The following CENPP variants were observed in gnomAD, a reference collection of about 807,000 sequenced individuals.
CENPP encodes centromere protein P.
CENPP carries 24 observed loss-of-function variants against 35.6 expected under a neutral mutation model. That is an observed-to-expected ratio of 0.67 (90% CI 0.49 to 0.95). CENPP has a LOEUF of 0.95. Ranked by LOEUF, CENPP falls within the 40% of genes least tolerant of loss-of-function variation. CENPP has a pLI of 0.00. For missense variants in CENPP, 332 were observed against 345.3 expected, an observed-to-expected ratio of 0.96 and a Z score of 0.31; for synonymous variants, 120 against 125.5, an observed-to-expected ratio of 0.96 and a Z score of 0.29.
chr9:92,366,121 A>G (rs975387648), intron 4 of CENPP, among the ~76,000 whole-genome samples: 1 of 148,528 alleles, frequency 6.7e-6, no homozygotes. Context: ...CGGAGCTGGC[A>G]GTGAGCCAAG....
chr9:92,420,599 C>G (rs1359930541), intron 5 of CENPP, among the ~76,000 whole-genome samples: 1 of 152,172 alleles, frequency 6.6e-6, no homozygotes, highest in Non-Finnish European at 1.5e-5. Context: ...TCTGAAGCCT[C>G]TAATACCTTA....
intron 5 of CENPP, among the ~76,000 whole-genome samples, chr9:92,488,679 G>C (rs1341782590): frequency 6.6e-6 from 1 of 152,120 alleles, no homozygotes; most frequent in Non-Finnish European, 1.5e-5. Context: ...GTTTGTGAAT[G>C]TAATTCCCAG....
chr9:92,518,402 A>G (rs905364953), intron 5 of CENPP, among the ~76,000 whole-genome samples: 9 of 152,258 alleles, frequency 5.9e-5, no homozygotes, highest in Non-Finnish European at 1.0e-4. Context: ...CCGCCAGCCA[A>G]TCCAGTTCCC....
At position 92,613,192 on chromosome 9, in the gene CENPP, G is replaced by C. The variant is rs373734749; in HGVS notation, c.*43G>C. Reference sequence around the variant, plus strand: ...TGGAGGATGAAGATGCTGCGTGGAGGAACATGCAATTTTATTCAATATAAA... The same window carrying C: ...TGGAGGATGAAGATGCTGCGTGGAGCAACATGCAATTTTATTCAATATAAA... On this transcript the variant is annotated 3_prime_UTR_variant, in exon 8 of 8. Coordinates refer to ENST00000375587, the MANE Select transcript of CENPP (RefSeq NM_001012267.3). The C allele has an allele frequency of 2.5e-6, 4 of 1,611,360 alleles. No homozygotes were observed. Among genetic ancestry groups the C allele is most frequent in the Admixed American group, 1.7e-5 (1 of 59,932 alleles).
intron 6 of CENPP, 119 bp downstream of exon 6, chr9:92,611,512 G>A (rs1292241399): frequency 1.2e-5 from 9 of 736,932 alleles, no homozygotes; most frequent in South Asian, 5.4e-5. Context: ...AAAGGTCGTC[G>A]GTTGGAGGAA....
chr9:92,571,435 G>T (rs900505709), intron 5 of CENPP, among the ~76,000 whole-genome samples: 4 of 152,180 alleles, frequency 2.6e-5, no homozygotes, highest in African/African-American at 9.7e-5. Flanking sequence ...TTGCACTGTG[G>T]TCTGAGAGAC....
At chr9:92,381,809 C>G (rs944891189) in intron 5 of CENPP, among the ~76,000 whole-genome samples, 1 of 151,842 alleles carries the variant, frequency 6.6e-6, no homozygotes, top group African/African-American at 2.4e-5. Context: ...ACCGCATACT[C>G]TTTTCCACAG....
chr9:92,431,025 A>T (rs1588125395), intron 5 of CENPP, among the ~76,000 whole-genome samples: 1 of 151,134 alleles, frequency 6.6e-6, no homozygotes, highest in South Asian at 2.1e-4. Flanking sequence ...CGATCTCTTA[A>T]CCTGGTGATC....
chr9:92,515,129 C>T (rs763094810), intron 5 of CENPP: 1 of 1,612,958 alleles, frequency 6.2e-7, no homozygotes. Flanking sequence ...TTGGTAGGTT[C>T]TCTTTGTTCT....
intron 5 of CENPP, among the ~76,000 whole-genome samples, chr9:92,559,501 A>G (rs529053614): frequency 3.9e-5 from 6 of 151,996 alleles, no homozygotes; most frequent in Non-Finnish European, 8.8e-5. Context: ...GGAGCAGTCC[A>G]TTTCCCTCAG....
intron 5 of CENPP, among the ~76,000 whole-genome samples, chr9:92,449,242 C>T (rs1428480206): frequency 6.6e-6 from 1 of 151,856 alleles, no homozygotes; most frequent in Non-Finnish European, 1.5e-5. Flanking sequence ...GAGATCGAGA[C>T]CATCGTGGCT....
chr9:92,466,338 C>T (rs1564336359), intron 5 of CENPP: 1 of 1,430,340 alleles, frequency 7.0e-7, no homozygotes, highest in Non-Finnish European at 9.8e-7. Flanking sequence ...CAAGATGTCC[C>T]ATTCATTTGA....
At chr9:92,404,649 C>T (rs2130936990) in intron 5 of CENPP, 1 of 1,269,214 alleles carries the variant, frequency 7.9e-7, no homozygotes, top group Non-Finnish European at 1.0e-6. Context: ...AGAACAGTTT[C>T]CATGTGGTAG....
chr9:92,410,216 G>A (rs1236777299), intron 5 of CENPP, among the ~76,000 whole-genome samples: 3 of 152,154 alleles, frequency 2.0e-5, no homozygotes, highest in Non-Finnish European at 4.4e-5. Context: ...GATTACAGGC[G>A]TGAGCCACCG....
chr9:92,611,353 T>G lies in CENPP; in HGVS notation c.604T>G (p.Ser202Ala). The change falls in exon 6 of 8, where the codon TCC (serine) becomes GCC (alanine). Residue 202 changes from serine (S) to alanine (A), a missense_variant. Ser to Ala is a moderately conservative substitution (Grantham distance 99, BLOSUM62 1). Coordinates refer to ENST00000375587, the MANE Select transcript of CENPP (RefSeq NM_001012267.3). ...TGCCGTGTACCTCTCGGAGGGGCCC[T>G]CCTCCTGCTCCATGGGGATCCGCAG... ...PDAVYLSEGP[S>A]SCSMGIRSAS... The G allele has an allele frequency of 6.2e-7, 1 of 1,613,500 alleles. No individual in the cohort carries two copies. Among genetic ancestry groups the G allele is most frequent in the African/African-American group, 1.3e-5 (1 of 74,970 alleles).
intron 4 of CENPP, among the ~76,000 whole-genome samples, chr9:92,371,920 C>CAGTA (rs753118398): frequency 1.1e-4 from 16 of 141,860 alleles, no homozygotes; most frequent in Non-Finnish European, 2.4e-4. Context: ...GGCTGGAGTG[C>CAGTA]AGTAGCTCAA....
At chr9:92,491,186 A>T (rs1846162966) in intron 5 of CENPP, among the ~76,000 whole-genome samples, 1 of 152,212 alleles carries the variant, frequency 6.6e-6, no homozygotes, top group African/African-American at 2.4e-5. Context: ...ATCAATACCT[A>T]ACTAATAATT....
intron 5 of CENPP, among the ~76,000 whole-genome samples, chr9:92,443,933 G>A (rs1246465045): frequency 1.3e-5 from 2 of 152,112 alleles, no homozygotes; most frequent in Non-Finnish European, 2.9e-5. Flanking sequence ...AAAGTGCTGG[G>A]CTTACAGGCA....
intron 5 of CENPP, among the ~76,000 whole-genome samples, chr9:92,525,973 G>T (rs1848383329): frequency 2.7e-5 from 4 of 149,912 alleles, no homozygotes; most frequent in Admixed American, 2.7e-4. Context: ...CTATATTACT[G>T]GTTTATGTAT....
Sources: allele counts gnomAD v4.1 joint callset (sites outside exome capture counted in the v4.1 genomes callset), GRCh38; gene constraint gnomAD v4.1.1; transcripts MANE v1.5; gene names NCBI Gene and HGNC (gene_info 2026-07-23, HGNC 2026-07-21).